The following SCARB2 variants were observed in gnomAD, a reference collection of about 807,000 sequenced individuals.
SCARB2 encodes the protein lysosome membrane protein 2.
In SCARB2, 29 loss-of-function variants were observed where a neutral mutation model predicts 58.6. The observed-to-expected ratio is 0.49, with a 90% CI of 0.37 to 0.67. The LOEUF is 0.67. Among genes scored for constraint, SCARB2 ranks in the 30% least tolerant of loss-of-function variants. The pLI, the probability that SCARB2 is intolerant of heterozygous loss-of-function variation, is 0.00. For missense variants in SCARB2, 488 were observed against 578.5 expected, an observed-to-expected ratio of 0.84 and a Z score of 1.60; for synonymous variants, 195 against 210.1, an observed-to-expected ratio of 0.93 and a Z score of 0.62.
intron 8 of SCARB2, 104 bp downstream of exon 8, chr4:76,169,763 T>C (rs1036838598): frequency 4.7e-5 from 45 of 957,154 alleles, no homozygotes; most frequent in Non-Finnish European, 7.6e-5. Context: ...AATATGTATA[T>C]GAAAGTAAGG....
chr4:76,187,000 T>C (rs1294791998), intron 2 of SCARB2, among the ~76,000 whole-genome samples: 1 of 151,830 alleles, frequency 6.6e-6, no homozygotes, highest in Non-Finnish European at 1.5e-5. Context: ...GTTGTCTCTT[T>C]ATGTTAAAAA....
At chr4:76,228,226 C>CCAGCA (rs1341133260) in intron 1 of SCARB2, among the ~76,000 whole-genome samples, 4 of 151,858 alleles carry the variant, frequency 2.6e-5, no homozygotes, top group African/African-American at 9.7e-5. Context: ...ACCTGTAATC[C>CCAGCA]CAGCACTTGG....
At chr4:76,211,361 T>A (rs9683533) in intron 1 of SCARB2, among the ~76,000 whole-genome samples, 23 of 151,738 alleles carry the variant, frequency 1.5e-4, no homozygotes, top group Non-Finnish European at 2.8e-4. Flanking sequence ...CCAAGTAAGT[T>A]ATTTGACGTA....
At chr4:76,203,043 A>G (rs6532240) in intron 1 of SCARB2, among the ~76,000 whole-genome samples, 148,362 of 152,336 alleles carry the variant, frequency 0.97, 72,279 homozygotes, top group East Asian at 1. Context: ...TCAGGCTGGA[A>G]TGCAGTGGTG....
Position 76,174,167 on chromosome 4 carries a change from A to G in SCARB2, c.971T>C (p.Leu324Pro). ...ACCATTCTTGCAGATGCTGACATTC[A>G]GAACTCCTGAGCCCAGGCAGTTTCC... is the stretch of plus-strand genomic sequence containing the variant. ...PEGNCLGSGV[L>P]NVSICKNGAP... The change falls in exon 7 of 12, where the codon CTG becomes CCG. Residue 324 changes from leucine to proline, a missense_variant. Transcript: ENST00000264896. The G allele has an allele frequency of 1.2e-6, 2 of 1,614,052 alleles. No individual in the cohort carries two copies. The highest frequency in any genetic ancestry group is 1.7e-6 in the Non-Finnish European group (2 of 1,180,026).
At chr4:76,224,522 T>C (rs1733362384) in intron 1 of SCARB2, among the ~76,000 whole-genome samples, 1 of 152,176 alleles carries the variant, frequency 6.6e-6, no homozygotes, top group African/African-American at 2.4e-5. Context: ...TCATACATCT[T>C]AAAAGGGCAG....
chr4:76,180,836 A>G, intron 3 of SCARB2, 118 bp downstream of exon 3: 2 of 748,046 alleles, frequency 2.7e-6, no homozygotes, highest in Non-Finnish European at 4.1e-6. Context: ...TTTTCTTTTT[A>G]TATATGTATA....
At position 76,159,365 on chromosome 4, in the gene SCARB2, T is replaced by C. The variant is rs1047438599; in HGVS notation, c.*2348A>G. ...AATCTATAATTTTGACTGTAGTTTG[T>C]AGATCTGTCTCAGACTTTTCAGAAG... is the stretch of plus-strand genomic sequence containing the variant. On this transcript the variant is annotated 3_prime_UTR_variant, in exon 12 of 12. Coordinates refer to ENST00000264896, the MANE Select transcript of SCARB2 (RefSeq NM_005506.4). 1 of 152,254 alleles carries C rather than the reference T, an allele frequency of 6.6e-6. No individual in the cohort carries two copies. Among genetic ancestry groups the C allele is most frequent in the Non-Finnish European group, 1.5e-5 (1 of 68,042 alleles). 9.4% of individuals were successfully genotyped at this position (152,254 alleles called of 1,614,324 possible).
upstream of SCARB2, among the ~76,000 whole-genome samples, chr4:76,217,258 C>T (rs1027242302): frequency 1.3e-5 from 2 of 152,154 alleles, no homozygotes; most frequent in South Asian, 4.1e-4. Flanking sequence ...GTTACTGCTC[C>T]CAGAGTTTAG....
intron 1 of SCARB2, among the ~76,000 whole-genome samples, chr4:76,225,785 T>A (rs754335130): frequency 3.3e-5 from 5 of 152,222 alleles, no homozygotes; most frequent in Non-Finnish European, 7.3e-5. Flanking sequence ...TGGATCCAGT[T>A]AGCTAGTATT....
At chr4:76,168,101 A>G (rs1439467445) in intron 9 of SCARB2, among the ~76,000 whole-genome samples, 1 of 152,234 alleles carries the variant, frequency 6.6e-6, no homozygotes, top group Non-Finnish European at 1.5e-5. Context: ...CAAGTTACCT[A>G]AACACTCTGC....
chr4:76,224,882 G>A (rs1216331133), intron 1 of SCARB2, among the ~76,000 whole-genome samples: 1 of 152,064 alleles, frequency 6.6e-6, no homozygotes, highest in Non-Finnish European at 1.5e-5. Flanking sequence ...CCAATGTGTA[G>A]TCTTTTATCC....
chr4:76,181,154 A>G, intron 2 of SCARB2, 53 bp from the exon 3 acceptor site: 1 of 1,559,764 alleles, frequency 6.4e-7, no homozygotes, highest in Non-Finnish European at 8.8e-7. Context: ...TTAATAAGCA[A>G]GACTTTTCCT....
intron 2 of SCARB2, among the ~76,000 whole-genome samples, chr4:76,188,450 G>A (rs1480610456): frequency 6.6e-6 from 1 of 152,182 alleles, no homozygotes; most frequent in Non-Finnish European, 1.5e-5. Flanking sequence ...GTATGTGAAA[G>A]GTTTGGGAAA....
chr4:76,163,193 G>A (rs767479926), intron 11 of SCARB2, 32 bp downstream of exon 11: 1 of 1,613,302 alleles, frequency 6.2e-7, no homozygotes, highest in African/African-American at 1.3e-5. Flanking sequence ...AAGTTATCCA[G>A]TAAGGAAGAA....
chr4:76,223,527 G>T (rs765098148), intron 1 of SCARB2, among the ~76,000 whole-genome samples: 1 of 152,218 alleles, frequency 6.6e-6, no homozygotes, highest in East Asian at 1.9e-4. Flanking sequence ...TATTATCACC[G>T]CCCTCTTCCT....
At chr4:76,206,708 T>C (rs1732937523) in intron 1 of SCARB2, among the ~76,000 whole-genome samples, 1 of 151,172 alleles carries the variant, frequency 6.6e-6, no homozygotes, top group African/African-American at 2.4e-5. Context: ...TAGATTAAAA[T>C]ACCAAATTAC....
chr4:76,217,901 G>A (rs568899126), upstream of SCARB2, among the ~76,000 whole-genome samples: 46 of 152,356 alleles, frequency 3.0e-4, no homozygotes, highest in African/African-American at 1.1e-3. Context: ...AAGGGCTATC[G>A]AGGGGAAGCA....
At chr4:76,176,180 C>T in intron 5 of SCARB2, 1 of 603,522 alleles carries the variant, frequency 1.7e-6, no homozygotes, top group Middle Eastern at 4.4e-4. Flanking sequence ...CACTCAATGA[C>T]TACTAAGCAA....
Sources: allele counts gnomAD v4.1 joint callset (sites outside exome capture counted in the v4.1 genomes callset), GRCh38; gene constraint gnomAD v4.1.1; transcripts MANE v1.5; gene names NCBI Gene and HGNC (gene_info 2026-07-23, HGNC 2026-07-21).